ROCK1: variants seen among roughly 807,000 people sequenced by gnomAD.
ROCK1 encodes Rho associated coiled-coil containing protein kinase 1.
A neutral mutation model predicts 196.8 loss-of-function variants in ROCK1; 36 were observed. That is an observed-to-expected ratio of 0.18 (90% CI 0.14 to 0.24). ROCK1 has a LOEUF of 0.24. ROCK1 is among the 10% of genes least tolerant of loss of function. The pLI is 1.00. For synonymous variants in ROCK1, 443 were observed against 515.9 expected, an observed-to-expected ratio of 0.86 and a Z score of 1.91; for missense variants, 920 against 1,562.0, an observed-to-expected ratio of 0.59 and a Z score of 6.93.
intron 10 of ROCK1, among the ~76,000 whole-genome samples, chr18:21,027,209 G>A (rs1444740188): frequency 2.6e-5 from 4 of 152,098 alleles, no homozygotes; most frequent in African/African-American, 7.2e-5. Context: ...AAACTGCTGC[G>A]ATTACAGGCG....
At chr18:20,989,990 C>G (rs561248676) in intron 18 of ROCK1, among the ~76,000 whole-genome samples, 16 of 152,218 alleles carry the variant, frequency 1.1e-4, no homozygotes, top group Non-Finnish European at 1.8e-4. Flanking sequence ...TGCCTGTAAT[C>G]CCAGCACTTT....
intron 17 of ROCK1, 97 bp from the exon 18 acceptor site, chr18:20,991,423 T>A (rs1009663081): frequency 2.5e-6 from 2 of 813,852 alleles, no homozygotes; most frequent in African/African-American, 3.5e-5. Flanking sequence ...TATGATGCCT[T>A]ATTTTAAAAA....
chr18:21,000,178 T>C (rs577446574), intron 16 of ROCK1, among the ~76,000 whole-genome samples: 3 of 152,140 alleles, frequency 2.0e-5, no homozygotes, highest in African/African-American at 7.2e-5. Context: ...TGGTACATGC[T>C]GGCATAAGGA....
intron 27 of ROCK1, 68 bp from the exon 28 acceptor site, chr18:20,960,274 G>T: frequency 2.1e-6 from 2 of 942,318 alleles, no homozygotes; most frequent in Non-Finnish European, 3.4e-6. Flanking sequence ...ATTAAAAGTT[G>T]TCTGACAGCA....
chr18:20,967,158 T>TA, intron 26 of ROCK1, 82 bp from the exon 27 acceptor site: 2 of 946,774 alleles, frequency 2.1e-6, no homozygotes, highest in Non-Finnish European at 3.2e-6. Flanking sequence ...TAATTTAAAT[T>TA]GCTAATACTA....
At chr18:20,984,301 A>G in intron 20 of ROCK1, 50 bp downstream of exon 20, 3 of 1,365,476 alleles carry the variant, frequency 2.2e-6, no homozygotes, top group Non-Finnish European at 3.1e-6. Context: ...ACACAAGTCA[A>G]TGATGAACAC....
At chr18:20,977,612 C>T (rs1406448396) in intron 22 of ROCK1, among the ~76,000 whole-genome samples, 2 of 152,162 alleles carry the variant, frequency 1.3e-5, no homozygotes, top group Non-Finnish European at 2.9e-5. Context: ...TGGATAGCTG[C>T]ACAAAGCACA....
intron 9 of ROCK1, among the ~76,000 whole-genome samples, chr18:21,033,832 C>T (rs545862746): frequency 1.8e-4 from 21 of 113,946 alleles, no homozygotes; most frequent in Middle Eastern, 7.7e-3. Flanking sequence ...TCCTGGCTAA[C>T]TCAGTGAAAC....
intron 27 of ROCK1, 87 bp from the exon 28 acceptor site, chr18:20,960,293 C>A: frequency 1.2e-6 from 1 of 802,128 alleles, no homozygotes; most frequent in South Asian, 1.5e-5. Context: ...CATGCAGCAA[C>A]AAGCAATTGA....
chr18:21,069,710 T>C (rs2036367206), intron 2 of ROCK1, among the ~76,000 whole-genome samples: 1 of 152,104 alleles, frequency 6.6e-6, no homozygotes, highest in East Asian at 1.9e-4. Context: ...CTTCACTATG[T>C]TGTCAGGTAG....
At chr18:21,070,396 T>C (rs2036373777) in intron 2 of ROCK1, 136 bp downstream of exon 2, 1 of 533,392 alleles carries the variant, frequency 1.9e-6, no homozygotes, top group Non-Finnish European at 3.3e-6. Context: ...CTTTCACACT[T>C]CCTACTAAAT....
At chr18:20,954,499 C>T (rs1230418901) in intron 31 of ROCK1, among the ~76,000 whole-genome samples, 2 of 152,018 alleles carry the variant, frequency 1.3e-5, no homozygotes, top group African/African-American at 4.8e-5. Flanking sequence ...TCACTTGAAC[C>T]TGGGAGGCAG....
intron 10 of ROCK1, among the ~76,000 whole-genome samples, chr18:21,027,229 G>A (rs1192055945): frequency 3.3e-5 from 5 of 152,124 alleles, no homozygotes; most frequent in East Asian, 1.9e-4. Flanking sequence ...GTGAGCCACC[G>A]TGCCTGGCCG....
At chr18:21,090,512 T>C (rs1342040982) in intron 1 of ROCK1, among the ~76,000 whole-genome samples, 1 of 152,168 alleles carries the variant, frequency 6.6e-6, no homozygotes, top group Non-Finnish European at 1.5e-5. Flanking sequence ...ATTATTGGCT[T>C]TTGGTCCTTC....
intron 27 of ROCK1, among the ~76,000 whole-genome samples, chr18:20,963,741 T>A (rs2035348035): frequency 6.6e-6 from 1 of 152,144 alleles, no homozygotes; most frequent in Non-Finnish European, 1.5e-5. Context: ...GAAACAGTTA[T>A]CACATTAAAG....
intron 16 of ROCK1, among the ~76,000 whole-genome samples, chr18:20,993,242 T>C (rs999895248): frequency 6.6e-6 from 1 of 152,170 alleles, no homozygotes; most frequent in African/African-American, 2.4e-5. Context: ...CTCGCTCTGT[T>C]GCCCAGGCTG....
At chr18:21,043,589 C>CAT (rs2036129110) in intron 6 of ROCK1, among the ~76,000 whole-genome samples, 1 of 137,494 alleles carries the variant, frequency 7.3e-6, no homozygotes, top group African/African-American at 3.2e-5. Context: ...TATGTATATA[C>CAT]ATATACATAA....
chr18:21,109,673 G>C (rs1005205587), intron 1 of ROCK1, among the ~76,000 whole-genome samples: 5 of 152,044 alleles, frequency 3.3e-5, no homozygotes, highest in African/African-American at 1.2e-4. Context: ...GAAAGCTTTG[G>C]GAAGCTTGTT....
intron 1 of ROCK1, among the ~76,000 whole-genome samples, chr18:21,106,095 C>G (rs554669440): frequency 6.6e-6 from 1 of 152,172 alleles, no homozygotes; most frequent in Non-Finnish European, 1.5e-5. Context: ...TAGAACTCAA[C>G]AGGCACTATT....
Sources: allele counts gnomAD v4.1 joint callset (sites outside exome capture counted in the v4.1 genomes callset), GRCh38; gene constraint gnomAD v4.1.1; transcripts MANE v1.5; gene names NCBI Gene and HGNC (gene_info 2026-07-23, HGNC 2026-07-21).